The following EPS8 variants were observed in gnomAD, a reference collection of about 807,000 sequenced individuals.
The protein encoded by EPS8 is EGFR pathway substrate 8, signaling adaptor.
A neutral mutation model predicts 103.8 loss-of-function variants in EPS8; 42 were observed. The ratio of observed to expected loss-of-function variants is 0.40; its 90% CI spans 0.32 to 0.52. The LOEUF is 0.52. Ranked by LOEUF, EPS8 falls within the 20% of genes least tolerant of loss-of-function variation. The pLI is 0.40. For missense variants in EPS8, 969 were observed against 1,005.1 expected (o/e 0.96, Z 0.49); for synonymous variants, 344 against 344.6 (o/e 1.00, Z 0.02).
At chr12:15,631,226 A>G (rs1945039516) in intron 18 of EPS8, among the ~76,000 whole-genome samples, 1 of 152,200 alleles carries the variant, frequency 6.6e-6, no homozygotes, top group South Asian at 2.1e-4. Context: ...AGATTGGAAA[A>G]GGAGTAGAAA....
intron 1 of EPS8, among the ~76,000 whole-genome samples, chr12:15,722,324 A>AC (rs374682930): frequency 0.02 from 3,014 of 151,000 alleles, 40 homozygotes; most frequent in Middle Eastern, 0.045. Flanking sequence ...TTAAACAATT[A>AC]CCCCCCCCAA....
At chr12:15,625,130 T>C (rs1347965449) in intron 18 of EPS8, among the ~76,000 whole-genome samples, 1 of 152,182 alleles carries the variant, frequency 6.6e-6, no homozygotes, top group Non-Finnish European at 1.5e-5. Flanking sequence ...ATGAATAAAA[T>C]AGTTAGAAGA....
chr12:15,750,086 C>T (rs1437949149), intron 1 of EPS8, among the ~76,000 whole-genome samples: 4 of 152,100 alleles, frequency 2.6e-5, no homozygotes, highest in Non-Finnish European at 2.9e-5. Flanking sequence ...AAGAAGAAAA[C>T]GGGGAGCCAA....
Position 15,688,342 on chromosome 12 carries a change from A to G in EPS8, c.-21-5370T>C, listed in dbSNP as rs1418235384. On this transcript the variant is annotated intron_variant, in intron 1 of 20. Transcript: ENST00000281172. The surrounding 1 kb of genome is among the most constrained non-coding windows in gnomAD (Gnocchi z 5.1). Reference sequence around the variant, plus strand: ...AGGGAAGGGAGTGGTCCCTTTAAATAATACAGAAGTGGGGAAAGGAAGTGC... The same window carrying G: ...AGGGAAGGGAGTGGTCCCTTTAAATGATACAGAAGTGGGGAAAGGAAGTGC... Among the ~76,000 whole-genome samples the G allele has an allele frequency of 6.6e-6, 1 of 152,188 alleles. No individual in the cohort carries two copies. The highest frequency in any genetic ancestry group is 1.5e-5 in the Non-Finnish European group (1 of 68,032).
In EPS8 at chr12:15,779,451, A is replaced by G. The variant is rs1055778850; in HGVS notation, c.-22+9710T>C. On this transcript the variant is annotated intron_variant, in intron 1 of 20. Transcript: ENST00000281172. The surrounding 1 kb of genome is among the most constrained non-coding windows in gnomAD (Gnocchi z 4.3). ...AAAATTATTGCAGAAAATTAGATAA[A>G]CTGTAATCAATGTCTTCTCAAAAGA... Among the ~76,000 whole-genome samples, 1 of 152,234 alleles carries G rather than the reference A, an allele frequency of 6.6e-6. No homozygotes were observed. Among genetic ancestry groups the G allele is most frequent in the African/African-American group, 2.4e-5 (1 of 41,460 alleles).
In EPS8 at chr12:15,727,993, G is replaced by A. The variant is rs1946673476; in HGVS notation, c.-21-45021C>T. 6.6e-6 allele frequency: 1 copy of A among 152,208 alleles called. No homozygotes were observed. The highest frequency in any genetic ancestry group is 2.1e-4 in the South Asian group (1 of 4,832). The allele number at this position is 152,208 out of a possible 1,614,324, so 9.4% of individuals were successfully genotyped here. ...CATAGAATAATTCCCTACCAGGTCT[G>A]ACTGCAATGGAAAGATTTAAAGCCC... On this transcript the variant is annotated intron_variant, in intron 1 of 20. Coordinates refer to ENST00000281172, the MANE Select transcript of EPS8 (RefSeq NM_004447.6). This position sits in a 1 kb window ranked among gnomAD's most constrained non-coding sequence, Gnocchi z 4.3.
chr12:15,738,021 T>C lies in EPS8; in HGVS notation c.-22+51140A>G, dbSNP rs796956239. On this transcript the variant is annotated intron_variant, in intron 1 of 20. Transcript: ENST00000281172. The surrounding 1 kb of genome is among the most constrained non-coding windows in gnomAD (Gnocchi z 6.2). ...ACTTTAAAATTAGCTAAACAAATAGTAAATGAGGGGAATTCGCTCTTCACA... is the reference window on the plus strand; with the variant it reads ...ACTTTAAAATTAGCTAAACAAATAGCAAATGAGGGGAATTCGCTCTTCACA... Among the ~76,000 whole-genome samples the C allele has an allele frequency of 1.3e-5, 2 of 151,992 alleles. No homozygotes were observed. Among genetic ancestry groups the C allele is most frequent in the African/African-American group, 4.8e-5 (2 of 41,322 alleles).
Position 15,688,069 on chromosome 12 carries a change from CAT to C in EPS8, c.-21-5099_-21-5098del, listed in dbSNP as rs1946119648. Among the ~76,000 whole-genome samples the C allele has an allele frequency of 6.6e-6, 1 of 152,308 alleles. No individual in the cohort carries two copies. The highest frequency in any genetic ancestry group is 2.4e-5 in the African/African-American group (1 of 41,574). On this transcript the variant is annotated intron_variant, in intron 1 of 20. Coordinates refer to ENST00000281172, the MANE Select transcript of EPS8 (RefSeq NM_004447.6). This position sits in a 1 kb window ranked among gnomAD's most constrained non-coding sequence, Gnocchi z 5.1. ...GGTATTTTGAAGCTTAATAAAATCA[CAT>C]AGTACCATGAATGACTGAAAAGTAA...
chr12:15,708,368 A>C (rs1315937227), intron 1 of EPS8, among the ~76,000 whole-genome samples: 1 of 152,256 alleles, frequency 6.6e-6, no homozygotes, highest in Non-Finnish European at 1.5e-5. Flanking sequence ...GTTAAGGCTC[A>C]AAAATGTTAA....
chr12:15,671,652 T>C (rs1945820116), intron 3 of EPS8: 1 of 152,158 alleles, frequency 6.6e-6, no homozygotes, highest in Admixed American at 6.6e-5. Flanking sequence ...ATATAAAATG[T>C]ATGTCGGCAA....
At chr12:15,775,898 C>G (rs139249444) in intron 1 of EPS8, among the ~76,000 whole-genome samples, 1 of 152,032 alleles carries the variant, frequency 6.6e-6, no homozygotes, top group African/African-American at 2.4e-5. Flanking sequence ...GATCAAGAAA[C>G]TAGATTGGGT....
At chr12:15,638,642 A>G (rs1025869565) in intron 17 of EPS8, among the ~76,000 whole-genome samples, 1 of 152,234 alleles carries the variant, frequency 6.6e-6, no homozygotes, top group Non-Finnish European at 1.5e-5. Flanking sequence ...CCCTATAAGA[A>G]CCACAAGTTT....
intron 15 of EPS8, among the ~76,000 whole-genome samples, chr12:15,644,537 AC>A (rs796477629): frequency 2.6e-5 from 4 of 152,182 alleles, no homozygotes; most frequent in African/African-American, 4.8e-5. Flanking sequence ...TACTAAAAAA[AC>A]ATACAAAAAA....
In EPS8 at chr12:15,640,741, A is replaced by G. The variant is rs749748404; in HGVS notation, c.1783T>C (p.Leu595=). The G allele has an allele frequency of 5.0e-6, 8 of 1,614,002 alleles. No homozygotes were observed. Among genetic ancestry groups the G allele is most frequent in the Admixed American group, 3.3e-5 (2 of 60,012 alleles). ...GTATAAGGTGGATCAGCACGCCCCAATCCAGATTCTGGAGGTCTCACAATA... is the reference window on the plus strand; with the variant it reads ...GTATAAGGTGGATCAGCACGCCCCAGTCCAGATTCTGGAGGTCTCACAATA... ...LDIVRPPESG[L]GRADPPYTHT... is the part of the protein sequence containing the mutation. The change falls in exon 17 of 21, where the codon TTG becomes CTG. Residue 595 remains leucine, a synonymous_variant. Coordinates refer to ENST00000281172, the MANE Select transcript of EPS8 (RefSeq NM_004447.6).
chr12:15,660,938 C>A (rs1945594743), intron 9 of EPS8, among the ~76,000 whole-genome samples, 198 bp from the exon 10 acceptor site: 1 of 152,138 alleles, frequency 6.6e-6, no homozygotes, highest in African/African-American at 2.4e-5. Context: ...CTTTAGCTTA[C>A]TTTTGCTCTA....
At chr12:15,672,761 T>C (rs945332285) in intron 3 of EPS8, among the ~76,000 whole-genome samples, 1 of 152,202 alleles carries the variant, frequency 6.6e-6, no homozygotes, top group Non-Finnish European at 1.5e-5. Context: ...CAAAACCACA[T>C]CTAGAAATAA....
Position 15,728,496 on chromosome 12 carries a change from C to T in EPS8, c.-21-45524G>A, listed in dbSNP as rs1388297329. 6.6e-6 allele frequency among the ~76,000 whole-genome samples: 1 copy of T among 152,178 alleles called. No individual in the cohort carries two copies. The highest frequency in any genetic ancestry group is 6.5e-5 in the Admixed American group (1 of 15,276). ...AACCTTAGAGAATGTTACACAAACA[C>T]AGCAACAATAATAAGGAACACTCTC... On this transcript the variant is annotated intron_variant, in intron 1 of 20. Coordinates refer to ENST00000281172, the MANE Select transcript of EPS8 (RefSeq NM_004447.6). This position sits in a 1 kb window ranked among gnomAD's most constrained non-coding sequence, Gnocchi z 4.5.
intron 17 of EPS8, among the ~76,000 whole-genome samples, chr12:15,637,907 A>G (rs1945164203): frequency 1.3e-5 from 2 of 152,074 alleles, no homozygotes; most frequent in East Asian, 1.9e-4. Context: ...TAGGCTTTCT[A>G]TTGTTCTTTT....
At chr12:15,642,649 C>T (rs1182845864) in intron 15 of EPS8, among the ~76,000 whole-genome samples, 1 of 152,166 alleles carries the variant, frequency 6.6e-6, no homozygotes, top group East Asian at 1.9e-4. Flanking sequence ...TAATTTTACT[C>T]CCTAGTCTTC....
Sources: gnomAD v4.1 joint callset for allele counts (sites outside exome capture counted in the v4.1 genomes callset) on GRCh38, gnomAD v4.1.1 for gene constraint, Gnocchi (gnomAD v3.1) non-coding constraint, MANE v1.5 for transcripts, NCBI Gene and HGNC (gene_info 2026-07-23, HGNC 2026-07-21) for gene names.